Variants in ASAP1 observed in about 807,000 individuals in gnomAD.
The protein encoded by ASAP1 is ArfGAP with SH3 domain, ankyrin repeat and PH domain 1, also known as arf-GAP with SH3 domain, ANK repeat and PH domain-containing protein 1.
ASAP1 carries 43 observed loss-of-function variants against 145.2 expected under a neutral mutation model. The ratio of observed to expected loss-of-function variants is 0.30; its 90% CI spans 0.23 to 0.38. ASAP1 has a LOEUF of 0.38. Among genes scored for constraint, ASAP1 ranks in the 10% least tolerant of loss-of-function variants. The pLI, the probability that ASAP1 is intolerant of heterozygous loss-of-function variation, is 1.00. For synonymous variants in ASAP1, 546 were observed against 515.5 expected (o/e 1.06, Z -0.80); for missense variants, 1,018 against 1,355.3 (o/e 0.75, Z 3.91).
At chr8:130,254,406 T>C (rs923076962) in intron 3 of ASAP1, among the ~76,000 whole-genome samples, 1 of 152,196 alleles carries the variant, frequency 6.6e-6, no homozygotes, top group Non-Finnish European at 1.5e-5. Context: ...TGGTCTGTTA[T>C]GGTACTAATT....
chr8:130,417,728 A>G lies in ASAP1; in HGVS notation c.-27-15758T>C, dbSNP rs190678215. On this transcript the variant is annotated intron_variant, in intron 1 of 29. Coordinates refer to ENST00000518721, the MANE Select transcript of ASAP1 (RefSeq NM_018482.4). Reference sequence around the variant, plus strand: ...ATTCAAGGGCTCAGAGGATGTGGTCAGGGAGAGGTTAGTCTTCATCTGTTG... The same window carrying G: ...ATTCAAGGGCTCAGAGGATGTGGTCGGGGAGAGGTTAGTCTTCATCTGTTG... Among the ~76,000 whole-genome samples the G allele has an allele frequency of 1.9e-3, 282 of 152,112 alleles. 15 individuals are homozygous for G. In the South Asian group the frequency reaches 0.035, roughly 19 times the overall value.
intron 24 of ASAP1, among the ~76,000 whole-genome samples, chr8:130,105,685 A>G (rs955982680): frequency 6.6e-6 from 1 of 152,236 alleles, no homozygotes; most frequent in Non-Finnish European, 1.5e-5. Context: ...AGAAGGACTC[A>G]GTGTAGAACG....
intron 9 of ASAP1, among the ~76,000 whole-genome samples, chr8:130,174,408 T>C (rs1186101690): frequency 6.6e-6 from 1 of 152,214 alleles, no homozygotes; most frequent in Admixed American, 6.5e-5. Flanking sequence ...CTTAGCCACT[T>C]TCTCTATAAA....
chr8:130,237,648 T>A (rs1818292918), intron 3 of ASAP1, among the ~76,000 whole-genome samples: 1 of 152,138 alleles, frequency 6.6e-6, no homozygotes, highest in Non-Finnish European at 1.5e-5. Flanking sequence ...CTACCTGTGG[T>A]ATAAGCAGGG....
chr8:130,144,601 A>C (rs572050685), intron 13 of ASAP1, among the ~76,000 whole-genome samples: 16 of 152,280 alleles, frequency 1.1e-4, no homozygotes, highest in African/African-American at 3.6e-4. Context: ...ACTGCCCTTA[A>C]ATGGCCAGTT....
At chr8:130,107,557 T>C (rs184043036) in intron 24 of ASAP1, among the ~76,000 whole-genome samples, 3 of 148,032 alleles carry the variant, frequency 2.0e-5, no homozygotes, top group Admixed American at 1.4e-4. Context: ...TATGTATGTA[T>C]GTATTTTTGA....
intron 2 of ASAP1, among the ~76,000 whole-genome samples, chr8:130,399,015 G>A (rs1264372107): frequency 6.6e-6 from 1 of 152,218 alleles, no homozygotes; most frequent in African/African-American, 2.4e-5. Context: ...GCCGCAAAAT[G>A]TAGCCAGAGA....
chr8:130,269,210 T>C (rs1400168191), intron 3 of ASAP1, among the ~76,000 whole-genome samples: 1 of 152,202 alleles, frequency 6.6e-6, no homozygotes, highest in Admixed American at 6.5e-5. Flanking sequence ...GGATGCATTC[T>C]TTAGACTTAA....
At chr8:130,164,499 G>A (rs1186006067) in intron 11 of ASAP1, among the ~76,000 whole-genome samples, 2 of 152,156 alleles carry the variant, frequency 1.3e-5, no homozygotes, top group African/African-American at 4.8e-5. Context: ...GCTGAGGCAC[G>A]AGAATCACTT....
At chr8:130,391,957 A>G (rs944888920) in intron 2 of ASAP1, among the ~76,000 whole-genome samples, 4 of 152,140 alleles carry the variant, frequency 2.6e-5, no homozygotes, top group African/African-American at 9.7e-5. Flanking sequence ...GTGGTACAAC[A>G]AAGACCATCT....
At chr8:130,311,532 C>T (rs1027352822) in intron 3 of ASAP1, among the ~76,000 whole-genome samples, 2 of 151,974 alleles carry the variant, frequency 1.3e-5, no homozygotes, top group Non-Finnish European at 2.9e-5. Flanking sequence ...GAGGCCAAGG[C>T]GGGAGGATCA....
intron 26 of ASAP1, among the ~76,000 whole-genome samples, chr8:130,077,292 T>G (rs898949246): frequency 2.6e-5 from 4 of 152,218 alleles, no homozygotes; most frequent in Admixed American, 1.3e-4. Context: ...CCACATTGTC[T>G]AAATCATCAA....
chr8:130,315,979 G>A (rs973900923), intron 3 of ASAP1, among the ~76,000 whole-genome samples: 4 of 152,072 alleles, frequency 2.6e-5, no homozygotes, highest in Admixed American at 6.5e-5. Flanking sequence ...CACTCCCTTC[G>A]CCTGTGCCCT....
chr8:130,269,313 A>G (rs908165637), intron 3 of ASAP1, among the ~76,000 whole-genome samples: 1 of 152,230 alleles, frequency 6.6e-6, no homozygotes, highest in African/African-American at 2.4e-5. Context: ...GAGAAGGCCA[A>G]TGCAGATTTC....
intron 1 of ASAP1, among the ~76,000 whole-genome samples, chr8:130,428,265 A>C (rs1158659016): frequency 1.3e-5 from 2 of 151,674 alleles, no homozygotes; most frequent in Non-Finnish European, 2.9e-5. Context: ...AAGTTCCCAA[A>C]AAATGCCACT....
rs766446321 is a variant in ASAP1, at chr8:130,060,776, G to C, written c.2995C>G (p.Leu999Val). 9 of 1,614,052 alleles carry C rather than the reference G, an allele frequency of 5.6e-6. No individual in the cohort carries two copies. The highest frequency in any genetic ancestry group is 2.5e-6 in the Non-Finnish European group (3 of 1,180,046). Residue 999 changes from leucine (L) to valine (V), a missense_variant, in exon 28 of 30, where the codon CTA (leucine) becomes GTA (valine). Physicochemically the swap from Leu to Val is conservative, Grantham distance 32. Coordinates refer to ENST00000518721, the MANE Select transcript of ASAP1 (RefSeq NM_018482.4). ...ACATCTCCAGTCTGGGATTTTGCTAGCAGGTCTCCCAGCTGTGGTTTGGGG... is the reference window on the plus strand; with the variant it reads ...ACATCTCCAGTCTGGGATTTTGCTACCAGGTCTCCCAGCTGTGGTTTGGGG... ...LPPKPQLGDL[L>V]AKSQTGDVSP...
At chr8:130,274,982 C>T (rs369401009) in intron 3 of ASAP1, among the ~76,000 whole-genome samples, 1 of 152,206 alleles carries the variant, frequency 6.6e-6, no homozygotes, top group Non-Finnish European at 1.5e-5. Context: ...AGCATAGACT[C>T]TTGAGACTGT....
At chr8:130,228,884 G>A (rs1817744702) in intron 4 of ASAP1, among the ~76,000 whole-genome samples, 2 of 151,644 alleles carry the variant, frequency 1.3e-5, no homozygotes, top group African/African-American at 2.4e-5. Context: ...TTCACAATGG[G>A]GAAAGAAACC....
intron 7 of ASAP1, among the ~76,000 whole-genome samples, chr8:130,184,847 T>G (rs1265298422): frequency 6.6e-6 from 1 of 152,220 alleles, no homozygotes; most frequent in Non-Finnish European, 1.5e-5. Context: ...CACTACCTTA[T>G]CTCGTCCTCA....
Sources: gnomAD v4.1 joint callset for allele counts (sites outside exome capture counted in the v4.1 genomes callset) on GRCh38, gnomAD v4.1.1 for gene constraint, MANE v1.5 for transcripts, NCBI Gene and HGNC (gene_info 2026-07-23, HGNC 2026-07-21) for gene names.